The following LRIF1 variants were observed in gnomAD, a reference collection of about 807,000 sequenced individuals.
LRIF1 encodes ligand-dependent nuclear receptor-interacting factor 1.
Under a neutral mutation model 52.7 loss-of-function variants are expected in LRIF1, and 32 were observed. The ratio of observed to expected loss-of-function variants is 0.61; its 90% CI spans 0.46 to 0.82. LRIF1 has a LOEUF of 0.82. Among genes scored for constraint, LRIF1 ranks in the 40% least tolerant of loss-of-function variants. The pLI is 0.00. For synonymous variants in LRIF1, 323 were observed against 317.4 expected (o/e 1.02, Z -0.19); for missense variants, 887 against 892.0 (o/e 0.99, Z 0.07).
chr1:110,921,419 A>G, the LRIF1 span, among the ~76,000 whole-genome samples: 1 of 152,200 alleles, frequency 6.6e-6, no homozygotes, highest in African/African-American at 2.4e-5. Context: ...GAATCCAAAT[A>G]TTTCAATGGA....
the LRIF1 span, among the ~76,000 whole-genome samples, chr1:110,902,495 T>C: frequency 1.4e-5 from 1 of 72,664 alleles, no homozygotes; most frequent in Non-Finnish European, 2.5e-5. Context: ...AATCAATCAC[T>C]AAAAAAAAAA....
At chr1:110,915,610 A>T in the LRIF1 span, among the ~76,000 whole-genome samples, 1 of 152,246 alleles carries the variant, frequency 6.6e-6, no homozygotes, top group Non-Finnish European at 1.5e-5. Context: ...GAAAGTCACT[A>T]TCATAAAGTC....
intron 1 of LRIF1, among the ~76,000 whole-genome samples, chr1:110,953,948 AAT>A (rs1446502375): frequency 2.0e-5 from 3 of 152,184 alleles, no homozygotes; most frequent in Non-Finnish European, 4.4e-5. Context: ...ATCATATATT[AAT>A]ATGTTTGTCT....
chr1:110,963,118 C>A (rs1659032006), intron 1 of LRIF1, among the ~76,000 whole-genome samples: 1 of 152,236 alleles, frequency 6.6e-6, no homozygotes, highest in South Asian at 2.1e-4. Context: ...TCTCTCTTCA[C>A]ATAAAACTAT....
At chr1:110,940,675 GCAA>G in the LRIF1 span, 1 of 152,160 alleles carries the variant, frequency 6.6e-6, no homozygotes, top group African/African-American at 2.4e-5. Context: ...CCTGTCATTT[GCAA>G]CAACATGGAT....
chr1:110,926,802 T>C, the LRIF1 span, among the ~76,000 whole-genome samples: 1 of 152,126 alleles, frequency 6.6e-6, no homozygotes, highest in South Asian at 2.1e-4. Context: ...GTACAAAGGA[T>C]CAAGAATGTC....
the LRIF1 span, among the ~76,000 whole-genome samples, chr1:110,908,097 A>G: frequency 6.6e-6 from 1 of 152,248 alleles, no homozygotes; most frequent in Non-Finnish European, 1.5e-5. Flanking sequence ...GAAAACAGAA[A>G]TTCTATATAA....
chr1:110,938,951 G>A, the LRIF1 span: 1 of 83,086 alleles, frequency 1.2e-5, no homozygotes, highest in African/African-American at 4.7e-5. Flanking sequence ...TCCCATTTAC[G>A]ATAGCTACAA....
the LRIF1 span, among the ~76,000 whole-genome samples, chr1:110,910,692 A>G: frequency 6.6e-6 from 1 of 152,228 alleles, no homozygotes; most frequent in Non-Finnish European, 1.5e-5. Context: ...ATAAATACCA[A>G]GACGATTTCT....
intron 1 of LRIF1, among the ~76,000 whole-genome samples, chr1:110,958,285 C>A (rs1658794888): frequency 6.6e-6 from 1 of 152,150 alleles, no homozygotes; most frequent in Admixed American, 6.5e-5. Flanking sequence ...TATTTTTCTT[C>A]TCCAACAATA....
At chr1:110,902,436 A>G in the LRIF1 span, among the ~76,000 whole-genome samples, 1 of 149,990 alleles carries the variant, frequency 6.7e-6, no homozygotes, top group African/African-American at 2.4e-5. Context: ...GGCAAGAAAC[A>G]TCCCTTAACA....
At chr1:110,879,563 GT>G in the LRIF1 span, among the ~76,000 whole-genome samples, 6 of 150,974 alleles carry the variant, frequency 4.0e-5, no homozygotes, top group East Asian at 9.7e-4. Flanking sequence ...CTCTTACACT[GT>G]TTTTTTTTCT....
the LRIF1 span, chr1:110,894,278 G>A: frequency 1.3e-6 from 2 of 1,535,444 alleles, no homozygotes; most frequent in Non-Finnish European, 1.8e-6. Flanking sequence ...AGTGGGAGTG[G>A]GACGAGAATG....
chr1:110,936,089 A>G, the LRIF1 span, among the ~76,000 whole-genome samples: 1 of 152,202 alleles, frequency 6.6e-6, no homozygotes, highest in African/African-American at 2.4e-5. Context: ...CTAGAATAGT[A>G]TATTCAGCAA....
the LRIF1 span, among the ~76,000 whole-genome samples, chr1:110,910,155 TAA>T: frequency 6.6e-6 from 1 of 151,974 alleles, no homozygotes; most frequent in Non-Finnish European, 1.5e-5. Context: ...ATCTAGAATC[TAA>T]ACTTGACACT....
chr1:110,902,245 A>G, the LRIF1 span, among the ~76,000 whole-genome samples: 3 of 152,210 alleles, frequency 2.0e-5, no homozygotes, highest in African/African-American at 7.2e-5. Flanking sequence ...TATTTATTAT[A>G]GCTGTCAAGC....
chr1:110,902,691 G>A, the LRIF1 span, among the ~76,000 whole-genome samples: 1 of 152,116 alleles, frequency 6.6e-6, no homozygotes, highest in Non-Finnish European at 1.5e-5. Flanking sequence ...ATAACAATGT[G>A]TTCCTTGAAT....
chr1:110,912,190 TC>T, the LRIF1 span, among the ~76,000 whole-genome samples: 1 of 152,120 alleles, frequency 6.6e-6, no homozygotes, highest in Non-Finnish European at 1.5e-5. Flanking sequence ...CAGTAGCATT[TC>T]TTTTTTTTCT....
At chr1:110,942,487 T>C (rs1298231048), downstream of LRIF1, 1 of 152,126 alleles carries the variant, frequency 6.6e-6, no homozygotes, top group Non-Finnish European at 1.5e-5. Context: ...GCTATTGTGC[T>C]GAGGACAAGC....
Sources: allele counts gnomAD v4.1 joint callset (sites outside exome capture counted in the v4.1 genomes callset), GRCh38; gene constraint gnomAD v4.1.1; transcripts MANE v1.5; gene names NCBI Gene and HGNC (gene_info 2026-07-23, HGNC 2026-07-21).